Variants in SLC35F3 observed in about 807,000 individuals in gnomAD.
SLC35F3 encodes the protein putative thiamine transporter SLC35F3.
Under a neutral mutation model 49.9 loss-of-function variants are expected in SLC35F3, and 25 were observed. That is an observed-to-expected ratio of 0.50 (90% CI 0.37 to 0.70). The LOEUF is 0.70. SLC35F3 is among the 30% of genes least tolerant of loss of function. The pLI, the probability that SLC35F3 is intolerant of heterozygous loss-of-function variation, is 0.00. For missense variants in SLC35F3, 525 were observed against 639.8 expected, an observed-to-expected ratio of 0.82 and a Z score of 1.94; for synonymous variants, 275 against 265.4, an observed-to-expected ratio of 1.04 and a Z score of -0.35.
At chr1:234,071,011 C>G (rs1664705357) in intron 2 of SLC35F3, among the ~76,000 whole-genome samples, 1 of 152,198 alleles carries the variant, frequency 6.6e-6, no homozygotes, top group African/African-American at 2.4e-5. Context: ...TGCCTCCAGG[C>G]AGCCGACAGA....
chr1:234,138,003 TAAG>T (rs946055664), intron 2 of SLC35F3, among the ~76,000 whole-genome samples: 5 of 152,134 alleles, frequency 3.3e-5, no homozygotes, highest in African/African-American at 1.2e-4. Context: ...AGAGAGTTAA[TAAG>T]AAAGTTGCCA....
intron 2 of SLC35F3, among the ~76,000 whole-genome samples, chr1:234,119,610 A>T (rs1558234755): frequency 6.6e-6 from 1 of 152,170 alleles, no homozygotes. Context: ...TGAACACTTC[A>T]TCTAATCTAA....
chr1:234,128,964 C>G (rs1159319628), intron 2 of SLC35F3, among the ~76,000 whole-genome samples: 1 of 152,176 alleles, frequency 6.6e-6, no homozygotes, highest in African/African-American at 2.4e-5. Context: ...CCATAAAACA[C>G]AGTAAATACA....
At chr1:234,123,567 G>T (rs904649009) in intron 2 of SLC35F3, among the ~76,000 whole-genome samples, 1 of 140,002 alleles carries the variant, frequency 7.1e-6, no homozygotes, top group Admixed American at 7.7e-5. Flanking sequence ...GTGCCACCAT[G>T]CCTGGTTAAT....
intron 3 of SLC35F3, among the ~76,000 whole-genome samples, chr1:234,271,031 G>A (rs1275040732): frequency 6.6e-6 from 1 of 152,228 alleles, no homozygotes; most frequent in Non-Finnish European, 1.5e-5. Context: ...AGAATAATTT[G>A]ATTGTAGGCA....
rs1166930825 is a variant in SLC35F3 at position 234,231,638 on chromosome 1, C to G, written c.505C>G (p.Leu169Val). The change falls in exon 3 of 8, where the codon CTC becomes GTC. Residue 169 changes from leucine to valine, a missense_variant. Leu to Val is a conservative substitution (Grantham distance 32). Coordinates refer to ENST00000366618, the MANE Select transcript of SLC35F3 (RefSeq NM_173508.4). The surrounding 1 kb of genome is among the most constrained non-coding windows in gnomAD (Gnocchi z 5.4). ...CAGGAAGTTCGACGCGCCCTTCACCCTCACGTGGTTTGCCACCAACTGGAA... is the reference window on the plus strand; with the variant it reads ...CAGGAAGTTCGACGCGCCCTTCACCGTCACGTGGTTTGCCACCAACTGGAA... ...TFRKFDAPFT[L>V]TWFATNWNFL... The G allele has an allele frequency of 6.2e-7, 1 of 1,614,232 alleles. No homozygotes were observed. Among genetic ancestry groups the G allele is most frequent in the Non-Finnish European group, 8.5e-7 (1 of 1,180,032 alleles).
chr1:233,927,744 T>C (rs181088188), intron 2 of SLC35F3, among the ~76,000 whole-genome samples: 1 of 152,272 alleles, frequency 6.6e-6, no homozygotes, highest in East Asian at 1.9e-4. Flanking sequence ...ATGTCCATGA[T>C]GCTTCACAGA....
intron 2 of SLC35F3, among the ~76,000 whole-genome samples, chr1:234,165,689 T>C (rs1172674201): frequency 6.6e-6 from 1 of 152,158 alleles, no homozygotes; most frequent in African/African-American, 2.4e-5. Context: ...CCTGGCTCAT[T>C]CTTTTTTCTT....
At chr1:233,973,643 G>A (rs959471101) in intron 2 of SLC35F3, among the ~76,000 whole-genome samples, 1 of 152,166 alleles carries the variant, frequency 6.6e-6, no homozygotes, top group Non-Finnish European at 1.5e-5. Context: ...AAAAGGCTAA[G>A]CGAGATGTAT....
chr1:233,926,601 TTTG>T (rs1260120195), intron 2 of SLC35F3, among the ~76,000 whole-genome samples: 1 of 152,154 alleles, frequency 6.6e-6, no homozygotes, highest in Non-Finnish European at 1.5e-5. Flanking sequence ...CTTGGAGAAG[TTTG>T]TTATTACCGA....
chr1:234,261,029 T>C (rs1438119203), intron 3 of SLC35F3, among the ~76,000 whole-genome samples: 1 of 152,186 alleles, frequency 6.6e-6, no homozygotes, highest in Non-Finnish European at 1.5e-5. Flanking sequence ...AAATTCTTTT[T>C]CCCTTAAAAA....
At chr1:234,309,447 C>A (rs1019748253) in intron 4 of SLC35F3, 127 bp downstream of exon 4, 12 of 815,182 alleles carry the variant, frequency 1.5e-5, no homozygotes, top group Non-Finnish European at 1.9e-5. Context: ...TTCTGATTTG[C>A]AGCAGAAAAT....
chr1:233,923,129 G>A (rs1300481189), intron 2 of SLC35F3, among the ~76,000 whole-genome samples: 1 of 152,134 alleles, frequency 6.6e-6, no homozygotes, highest in Non-Finnish European at 1.5e-5. Flanking sequence ...TTGACAATGT[G>A]GGCTCTTTTT....
At chr1:234,118,917 C>A (rs1045642962) in intron 2 of SLC35F3, among the ~76,000 whole-genome samples, 13 of 150,060 alleles carry the variant, frequency 8.7e-5, no homozygotes, top group Non-Finnish European at 1.6e-4. Flanking sequence ...TCTTGCACTA[C>A]CTGAATATTC....
In SLC35F3 at chr1:233,987,882, A is replaced by G. The variant is rs566927398; in HGVS notation, c.283+82124A>G. ...CCTTCTATTTATTTCTTCCCTCCTG[A>G]TACCATATTTTAATTTTAATGAGTT... On this transcript the variant is annotated intron_variant, in intron 2 of 7. Coordinates refer to ENST00000366618, the MANE Select transcript of SLC35F3 (RefSeq NM_173508.4). Among the ~76,000 whole-genome samples, 5 of 152,170 alleles carry G rather than the reference A, an allele frequency of 3.3e-5. No homozygotes were observed. The East Asian group carries it at 9.6e-4, about 29-fold the overall frequency.
chr1:234,210,163 G>T (rs928765120), intron 2 of SLC35F3, among the ~76,000 whole-genome samples: 1 of 152,138 alleles, frequency 6.6e-6, no homozygotes, highest in East Asian at 1.9e-4. Context: ...TGCCATCCAC[G>T]TAAGACATGA....
At chr1:234,137,746 G>A (rs1665832554) in intron 2 of SLC35F3, among the ~76,000 whole-genome samples, 1 of 152,332 alleles carries the variant, frequency 6.6e-6, no homozygotes, top group South Asian at 2.1e-4. Flanking sequence ...GAAAGCAGGA[G>A]CACATGTCGC....
chr1:234,113,788 G>A (rs191543690), intron 2 of SLC35F3, among the ~76,000 whole-genome samples: 14 of 152,306 alleles, frequency 9.2e-5, no homozygotes, highest in South Asian at 2.1e-4. Context: ...GCTTGAACCC[G>A]GGAGGTGGAG....
chr1:234,248,671 A>G (rs896501286), intron 3 of SLC35F3, among the ~76,000 whole-genome samples: 19 of 152,250 alleles, frequency 1.2e-4, no homozygotes, highest in Non-Finnish European at 2.8e-4. Flanking sequence ...TGTTCTGGCT[A>G]TATTCAAAAA....
Sources: allele counts gnomAD v4.1 joint callset (sites outside exome capture counted in the v4.1 genomes callset), GRCh38; gene constraint gnomAD v4.1.1; non-coding constraint Gnocchi (gnomAD v3.1); transcripts MANE v1.5; gene names NCBI Gene and HGNC (gene_info 2026-07-23, HGNC 2026-07-21).